The following PPARGC1A variants were observed in gnomAD, a reference collection of about 807,000 sequenced individuals.
PPARGC1A encodes the protein peroxisome proliferator-activated receptor gamma coactivator 1-alpha.
A neutral mutation model predicts 88.7 loss-of-function variants in PPARGC1A; 25 were observed. The ratio of observed to expected loss-of-function variants is 0.28; its 90% CI spans 0.21 to 0.39. The LOEUF is 0.39. Among genes scored for constraint, PPARGC1A ranks in the 10% least tolerant of loss-of-function variants. The pLI is 1.00. For synonymous variants in PPARGC1A, 363 were observed against 355.6 expected (o/e 1.02, Z -0.24); for missense variants, 880 against 968.7 (o/e 0.91, Z 1.22).
At chr4:24,135,958 T>C in the PPARGC1A span, among the ~76,000 whole-genome samples, 3 of 152,152 alleles carry the variant, frequency 2.0e-5, no homozygotes, top group African/African-American at 7.2e-5. Flanking sequence ...TAAAAAGTGC[T>C]CATTAATGAC....
the PPARGC1A span, among the ~76,000 whole-genome samples, chr4:24,248,569 T>A: frequency 6.6e-6 from 1 of 152,284 alleles, no homozygotes; most frequent in East Asian, 1.9e-4. Context: ...GAAAGTGTCA[T>A]ACCCTCCCCC....
At chr4:24,404,914 A>G in the PPARGC1A span, among the ~76,000 whole-genome samples, 1 of 152,168 alleles carries the variant, frequency 6.6e-6, no homozygotes, top group Admixed American at 6.5e-5. Context: ...AACAAGCCCA[A>G]ATAAGACTCT....
chr4:23,825,764 T>C (rs16874194), intron 5 of PPARGC1A, among the ~76,000 whole-genome samples: 14,871 of 152,186 alleles, frequency 0.098, 768 homozygotes, highest in East Asian at 0.19. Flanking sequence ...TGGTATATCA[T>C]ACATCCAGAA....
intron 2 of PPARGC1A, among the ~76,000 whole-genome samples, chr4:23,839,830 C>T (rs1726732034): frequency 2.0e-5 from 3 of 152,004 alleles, no homozygotes; most frequent in South Asian, 2.1e-4. Context: ...AGGGAAAGTC[C>T]CGTTTTTAAA....
chr4:24,273,535 C>A, the PPARGC1A span, among the ~76,000 whole-genome samples: 2 of 152,036 alleles, frequency 1.3e-5, no homozygotes. Context: ...CTTTAGAGGT[C>A]ATTGAGTCCA....
chr4:24,091,739 T>G, the PPARGC1A span: 1 of 666,528 alleles, frequency 1.5e-6, no homozygotes, highest in East Asian at 1.4e-4. Flanking sequence ...AGATGCCAAC[T>G]GGCCAAGCTG....
the PPARGC1A span, among the ~76,000 whole-genome samples, chr4:24,194,417 T>G: frequency 2.6e-5 from 4 of 152,066 alleles, no homozygotes; most frequent in Admixed American, 6.5e-5. Flanking sequence ...TCCTCTCAAT[T>G]TCCATGAGAT....
the PPARGC1A span, among the ~76,000 whole-genome samples, chr4:24,450,834 A>G: frequency 6.6e-6 from 1 of 152,200 alleles, no homozygotes; most frequent in Non-Finnish European, 1.5e-5. Context: ...CTGCCTTTAT[A>G]CATGTTTTCA....
At chr4:23,856,601 T>C (rs1175089105) in intron 2 of PPARGC1A, among the ~76,000 whole-genome samples, 1 of 152,224 alleles carries the variant, frequency 6.6e-6, no homozygotes, top group African/African-American at 2.4e-5. Flanking sequence ...GTCATTTCCC[T>C]TTAGCCTCTG....
chr4:24,006,966 A>G, the PPARGC1A span, among the ~76,000 whole-genome samples: 3 of 152,306 alleles, frequency 2.0e-5, no homozygotes, highest in African/African-American at 4.8e-5. Flanking sequence ...ATGTGTATCA[A>G]TTGTAAAATG....
chr4:24,209,251 C>G, the PPARGC1A span, among the ~76,000 whole-genome samples: 1 of 152,150 alleles, frequency 6.6e-6, no homozygotes, highest in Non-Finnish European at 1.5e-5. Context: ...GAATCTAAAA[C>G]AGGCAAAATA....
the PPARGC1A span, among the ~76,000 whole-genome samples, chr4:24,227,986 G>A: frequency 3.9e-5 from 6 of 152,324 alleles, no homozygotes; most frequent in African/African-American, 1.4e-4. Context: ...TTATAGTGGA[G>A]GAATGGAGTG....
At chr4:24,148,002 G>C in the PPARGC1A span, among the ~76,000 whole-genome samples, 2 of 152,072 alleles carry the variant, frequency 1.3e-5, no homozygotes, top group African/African-American at 4.8e-5. Flanking sequence ...AAATGAGGTA[G>C]AGTATGGCTT....
At chr4:23,959,096 C>T in the PPARGC1A span, among the ~76,000 whole-genome samples, 15 of 151,406 alleles carry the variant, frequency 9.9e-5, no homozygotes, top group African/African-American at 3.6e-4. Context: ...CTGTTCCAAA[C>T]AGGTTCTCTC....
intron 1 of PPARGC1A, among the ~76,000 whole-genome samples, chr4:23,889,525 T>C (rs552474669): frequency 1.3e-5 from 2 of 152,282 alleles, no homozygotes; most frequent in South Asian, 2.1e-4. Flanking sequence ...TTCGTCTTAT[T>C]ATAAATAGAA....
chr4:24,246,780 AAC>A, the PPARGC1A span, among the ~76,000 whole-genome samples: 2 of 152,126 alleles, frequency 1.3e-5, no homozygotes, highest in Non-Finnish European at 2.9e-5. Context: ...GGTTCTTCTA[AAC>A]ACAAACTCCT....
chr4:23,992,096 C>T, the PPARGC1A span, among the ~76,000 whole-genome samples: 1 of 151,808 alleles, frequency 6.6e-6, no homozygotes, highest in East Asian at 1.9e-4. Flanking sequence ...TCAATTACTG[C>T]ATTTTCCCTT....
At chr4:23,863,123 A>T (rs1431619567) in intron 2 of PPARGC1A, among the ~76,000 whole-genome samples, 3 of 152,052 alleles carry the variant, frequency 2.0e-5, no homozygotes, top group African/African-American at 7.2e-5. Flanking sequence ...ACTTAATATG[A>T]CAACAATCTT....
the PPARGC1A span, among the ~76,000 whole-genome samples, chr4:23,997,040 G>C: frequency 3.9e-5 from 6 of 152,162 alleles, no homozygotes; most frequent in Non-Finnish European, 7.3e-5. Context: ...TCTGCTCTGG[G>C]TGTCAGAAGA....
Sources: allele counts gnomAD v4.1 joint callset (sites outside exome capture counted in the v4.1 genomes callset), GRCh38; gene constraint gnomAD v4.1.1; transcripts MANE v1.5; gene names NCBI Gene and HGNC (gene_info 2026-07-23, HGNC 2026-07-21).